Variants in RCAN2 observed in about 807,000 individuals in gnomAD.
RCAN2 encodes the protein calcipressin-2.
Under a neutral mutation model 23.6 loss-of-function variants are expected in RCAN2, and 9 were observed. The observed-to-expected ratio is 0.38, with a 90% CI of 0.23 to 0.67. The LOEUF is 0.67. Among genes scored for constraint, RCAN2 ranks in the 30% least tolerant of loss-of-function variants. The pLI is 0.51. For missense variants in RCAN2, 273 were observed against 302.3 expected (o/e 0.90, Z 0.72); for synonymous variants, 109 against 115.7 (o/e 0.94, Z 0.37).
intron 1 of RCAN2, among the ~76,000 whole-genome samples, chr6:46,465,559 G>A (rs532827337): frequency 6.6e-6 from 1 of 152,348 alleles, no homozygotes; most frequent in African/African-American, 2.4e-5. Context: ...ACAGACGGCT[G>A]TGTGGAGATG....
chr6:46,467,090 CACTT>C (rs936486640), intron 1 of RCAN2, among the ~76,000 whole-genome samples: 3 of 152,168 alleles, frequency 2.0e-5, no homozygotes, highest in African/African-American at 7.2e-5. Context: ...CCTCTTGGGA[CACTT>C]ACTTTGTTTT....
intron 2 of RCAN2, among the ~76,000 whole-genome samples, chr6:46,305,558 G>C (rs1459325279): frequency 6.6e-6 from 1 of 151,798 alleles, no homozygotes; most frequent in Non-Finnish European, 1.5e-5. Flanking sequence ...ATTGATTTTT[G>C]TCTCATCAGA....
intron 1 of RCAN2, among the ~76,000 whole-genome samples, chr6:46,463,823 C>A (rs956187515): frequency 6.6e-6 from 1 of 152,008 alleles, no homozygotes; most frequent in Non-Finnish European, 1.5e-5. Context: ...GCAAGACATA[C>A]AAAAAGCAAC....
intron 2 of RCAN2, among the ~76,000 whole-genome samples, chr6:46,368,391 A>G (rs1163887467): frequency 6.6e-6 from 1 of 152,208 alleles, no homozygotes; most frequent in African/African-American, 2.4e-5. Flanking sequence ...GCTCTGCTCA[A>G]ACAAAAAATA....
intron 1 of RCAN2, among the ~76,000 whole-genome samples, chr6:46,477,509 C>A (rs1287095354): frequency 2.6e-5 from 4 of 152,144 alleles, no homozygotes; most frequent in Non-Finnish European, 4.4e-5. Context: ...GCCTCAGTTT[C>A]CTCATCTGTC....
At chr6:46,462,150 T>C (rs1266230977) in intron 1 of RCAN2, among the ~76,000 whole-genome samples, 1 of 151,974 alleles carries the variant, frequency 6.6e-6, no homozygotes, top group Non-Finnish European at 1.5e-5. Context: ...CTCCAGCTCA[T>C]ATCATTACAA....
chr6:46,483,502 A>C (rs1230367688), intron 1 of RCAN2, among the ~76,000 whole-genome samples: 1 of 152,226 alleles, frequency 6.6e-6, no homozygotes, highest in African/African-American at 2.4e-5. Context: ...GGTGCAAGCC[A>C]AGAATCCCCA....
chr6:46,408,563 G>A (rs1371930068), intron 2 of RCAN2, among the ~76,000 whole-genome samples: 1 of 152,212 alleles, frequency 6.6e-6, no homozygotes, highest in East Asian at 1.9e-4. Flanking sequence ...CTGCCACTAG[G>A]ACTCTTAGTG....
At chr6:46,351,346 C>A (rs571355024) in intron 2 of RCAN2, among the ~76,000 whole-genome samples, 22 of 152,204 alleles carry the variant, frequency 1.4e-4, no homozygotes, top group Admixed American at 2.6e-4. Flanking sequence ...CATATAAAAC[C>A]TGTTAATGAT....
chr6:46,334,507 G>A (rs1291393802), intron 2 of RCAN2, among the ~76,000 whole-genome samples: 3 of 152,344 alleles, frequency 2.0e-5, no homozygotes, highest in South Asian at 2.1e-4. Flanking sequence ...GTGAACCTGA[G>A]AAGGGAGGCT....
chr6:46,271,225 T>C (rs550131479), intron 2 of RCAN2, among the ~76,000 whole-genome samples: 1 of 152,284 alleles, frequency 6.6e-6, no homozygotes, highest in Non-Finnish European at 1.5e-5. Flanking sequence ...CATGGGTTTA[T>C]GGAGGCTTGA....
At chr6:46,249,404 C>T (rs189180135) in intron 2 of RCAN2, among the ~76,000 whole-genome samples, 10 of 151,102 alleles carry the variant, frequency 6.6e-5, no homozygotes, top group South Asian at 4.2e-4. Flanking sequence ...CTGCAACCCC[C>T]GCCTCCTGGA....
chr6:46,405,173 C>T (rs902456531), intron 2 of RCAN2, among the ~76,000 whole-genome samples: 2 of 152,046 alleles, frequency 1.3e-5, no homozygotes, highest in Non-Finnish European at 2.9e-5. Context: ...CAGATGTGTT[C>T]GGAGTTTTTT....
chr6:46,303,456 T>C (rs1176927761), intron 2 of RCAN2, among the ~76,000 whole-genome samples: 1 of 152,082 alleles, frequency 6.6e-6, no homozygotes, highest in Non-Finnish European at 1.5e-5. Context: ...AATCTCATTA[T>C]GGTGCTACTT....
chr6:46,335,083 C>T (rs188345345), intron 2 of RCAN2, among the ~76,000 whole-genome samples: 10 of 152,316 alleles, frequency 6.6e-5, no homozygotes. Context: ...GAAGGAGGCC[C>T]TTAGCTGGCT....
chr6:46,227,560 A>C (rs553410592), intron 4 of RCAN2, among the ~76,000 whole-genome samples: 1 of 145,236 alleles, frequency 6.9e-6, no homozygotes, highest in East Asian at 2.3e-4. Context: ...TAGATTTTCT[A>C]GTTTATTTGC....
chr6:46,341,625 C>T (rs1157855037), intron 2 of RCAN2, among the ~76,000 whole-genome samples: 2 of 151,914 alleles, frequency 1.3e-5, no homozygotes, highest in Non-Finnish European at 2.9e-5. Context: ...GGTGAGACCC[C>T]CATCTCTACT....
chr6:46,228,834 T>C (rs1582005449), intron 4 of RCAN2, among the ~76,000 whole-genome samples: 1 of 152,198 alleles, frequency 6.6e-6, no homozygotes, highest in African/African-American at 2.4e-5. Context: ...GGTTATTTTG[T>C]TCATTAGTTG....
chr6:46,271,643 C>T (rs1767527984), intron 2 of RCAN2, among the ~76,000 whole-genome samples: 1 of 152,266 alleles, frequency 6.6e-6, no homozygotes, highest in South Asian at 2.1e-4. Flanking sequence ...TGAAGATTAT[C>T]ATAAAAATTA....
Sources: gnomAD v4.1 joint callset for allele counts (sites outside exome capture counted in the v4.1 genomes callset) on GRCh38, gnomAD v4.1.1 for gene constraint, MANE v1.5 for transcripts, NCBI Gene and HGNC (gene_info 2026-07-23, HGNC 2026-07-21) for gene names.